NXNL2: variants seen among roughly 807,000 people sequenced by gnomAD.
The protein encoded by NXNL2 is nucleoredoxin like 2, also known as nucleoredoxin-like protein 2.
NXNL2 carries 7 observed loss-of-function variants against 11.1 expected under a neutral mutation model. The ratio of observed to expected loss-of-function variants is 0.63; its 90% CI spans 0.36 to 1.18. The LOEUF (loss-of-function observed/expected upper bound fraction) is 1.18, where lower values mean the gene tolerates loss of function less well. Among genes scored for constraint, NXNL2 ranks in the 50% most tolerant of loss-of-function variants. NXNL2 has a pLI of 0.02. For missense variants in NXNL2, 233 were observed against 217.7 expected (o/e 1.07, Z -0.44); for synonymous variants, 109 against 101.8 (o/e 1.07, Z -0.42).
intron 1 of NXNL2, among the ~76,000 whole-genome samples, chr9:88,557,881 C>T (rs1019235596): frequency 3.3e-5 from 5 of 152,156 alleles, no homozygotes; most frequent in Admixed American, 2.0e-4. Flanking sequence ...TCTCTCTTTC[C>T]AGGAAATTTC....
chr9:88,561,953 A>T (rs1159177550), intron 1 of NXNL2, among the ~76,000 whole-genome samples: 3 of 152,200 alleles, frequency 2.0e-5, no homozygotes, highest in African/African-American at 7.2e-5. Flanking sequence ...TCCAAGGTGT[A>T]TCCCAACGGA....
chr9:88,547,105 C>T (rs1378373407), downstream of NXNL2, among the ~76,000 whole-genome samples: 7 of 152,330 alleles, frequency 4.6e-5, no homozygotes, highest in East Asian at 1.9e-4. Flanking sequence ...CCCAGGCCCA[C>T]GTCTCATCCA....
intron 2 of NXNL2, among the ~76,000 whole-genome samples, chr9:88,574,434 A>G (rs989387981): frequency 3.3e-5 from 5 of 152,224 alleles, no homozygotes; most frequent in African/African-American, 9.6e-5. Flanking sequence ...GACATCAATC[A>G]ATATATGTAA....
chr9:88,544,329 A>T, intron 1 of NXNL2, 50 bp from the exon 2 acceptor site: 1 of 1,499,722 alleles, frequency 6.7e-7, no homozygotes, highest in Non-Finnish European at 9.1e-7. Flanking sequence ...GTGTCCCTTC[A>T]GATGTGCATG....
intron 1 of NXNL2, among the ~76,000 whole-genome samples, chr9:88,559,687 G>T (rs994782697): frequency 6.6e-6 from 1 of 152,116 alleles, no homozygotes; most frequent in Non-Finnish European, 1.5e-5. Flanking sequence ...CATTCTACTC[G>T]CCCAGTTTGT....
chr9:88,571,857 C>T (rs1038421576), intron 2 of NXNL2, among the ~76,000 whole-genome samples: 4 of 152,232 alleles, frequency 2.6e-5, no homozygotes, highest in South Asian at 2.1e-4. Context: ...ACGTCTCCAC[C>T]GGAGACCTTC....
downstream of NXNL2, among the ~76,000 whole-genome samples, chr9:88,547,035 G>A (rs1161194669): frequency 6.6e-6 from 1 of 152,194 alleles, no homozygotes; most frequent in Non-Finnish European, 1.5e-5. Context: ...GACAAGCAGT[G>A]GCAGTGTGAT....
intron 1 of NXNL2, among the ~76,000 whole-genome samples, chr9:88,581,645 G>A (rs1365295022): frequency 2.6e-5 from 4 of 152,056 alleles, no homozygotes; most frequent in Admixed American, 6.6e-5. Context: ...TAGTGGAGAC[G>A]GGGTTTCTCC....
At chr9:88,582,662 T>C (rs1170116973) in intron 1 of NXNL2, among the ~76,000 whole-genome samples, 2 of 139,114 alleles carry the variant, frequency 1.4e-5, no homozygotes, top group South Asian at 2.8e-4. Context: ...CTCTCTCTCT[T>C]TCTTTCTTTC....
Position 88,535,197 on chromosome 9 carries a change from T to G in NXNL2, c.-238T>G, listed in dbSNP as rs1829573569. The G allele has an allele frequency of 1.9e-6, 1 of 540,220 alleles. No individual in the cohort carries two copies. The highest frequency in any genetic ancestry group is 2.0e-5 in the African/African-American group (1 of 49,502). The allele number at this position is 540,220 out of a possible 1,614,324, so 33.5% of individuals were successfully genotyped here. On this transcript the variant is annotated 5_prime_UTR_variant, in exon 1 of 2. Transcript: ENST00000375854. ...GCTCCCAGAGGCGGGTGCCGCGCTGTCGCCCAGGTATCTGGGGTCTCTGGT... is the reference window on the plus strand; with the variant it reads ...GCTCCCAGAGGCGGGTGCCGCGCTGGCGCCCAGGTATCTGGGGTCTCTGGT...
chr9:88,569,093 A>AT (rs1326027033), intron 1 of NXNL2, among the ~76,000 whole-genome samples: 1 of 151,888 alleles, frequency 6.6e-6, no homozygotes, highest in South Asian at 2.1e-4. Flanking sequence ...CACCAGGATA[A>AT]TTTTTTTGTA....
At position 88,544,783 on chromosome 9, in the gene NXNL2, T is replaced by C. The variant is rs923114458; in HGVS notation, c.*236T>C. 1 of 1,251,822 alleles carries C rather than the reference T, an allele frequency of 8.0e-7. No homozygotes were observed. Among genetic ancestry groups the C allele is most frequent in the African/African-American group, 1.6e-5 (1 of 64,234 alleles). 77.5% of individuals were successfully genotyped at this position (1,251,822 alleles called of 1,614,324 possible). A position where few individuals can be genotyped will look rare whatever the true frequency, so the allele number is the denominator to read the frequency against. On this transcript the variant is annotated 3_prime_UTR_variant, in exon 2 of 2. Coordinates refer to ENST00000375854, the MANE Select transcript of NXNL2 (RefSeq NM_001161625.2). Reference sequence around the variant, plus strand: ...TTTTGTTATTCTTTGCATACCTTTATCCACCTGTGCTTAAGGAAGGATCCT... The same window carrying C: ...TTTTGTTATTCTTTGCATACCTTTACCCACCTGTGCTTAAGGAAGGATCCT...
At chr9:88,545,351 C>A (rs1047118033), downstream of NXNL2, among the ~76,000 whole-genome samples, 12 of 152,166 alleles carry the variant, frequency 7.9e-5, no homozygotes, top group African/African-American at 2.9e-4. Context: ...CTGTTTCTTT[C>A]CAGCCTCATT....
downstream of NXNL2, among the ~76,000 whole-genome samples, chr9:88,548,198 G>A (rs1243719342): frequency 6.6e-6 from 1 of 150,484 alleles, no homozygotes; most frequent in Non-Finnish European, 1.5e-5. Flanking sequence ...AATTAGCTGG[G>A]CGTGGTGGCA....
intron 1 of NXNL2, among the ~76,000 whole-genome samples, chr9:88,555,753 G>C (rs978272044): frequency 1.3e-5 from 2 of 152,172 alleles, no homozygotes; most frequent in East Asian, 1.9e-4. Flanking sequence ...TTGGCACTGG[G>C]CTCACTCCTC....
chr9:88,551,593 T>A (rs759957711), intron 1 of NXNL2, among the ~76,000 whole-genome samples: 29 of 152,158 alleles, frequency 1.9e-4, no homozygotes, highest in Admixed American at 1.6e-3. Context: ...TTAACCATAT[T>A]TTTAAAATGT....
At chr9:88,567,416 C>T (rs994972148) in intron 1 of NXNL2, among the ~76,000 whole-genome samples, 2 of 152,174 alleles carry the variant, frequency 1.3e-5, no homozygotes, top group Non-Finnish European at 2.9e-5. Context: ...GGATTACAGG[C>T]GTGAGCCACC....
chr9:88,559,666 G>A (rs1464483541), intron 1 of NXNL2, among the ~76,000 whole-genome samples: 3 of 152,176 alleles, frequency 2.0e-5, no homozygotes, highest in African/African-American at 4.8e-5. Context: ...CACTGCCTGT[G>A]GTCAGAGCTT....
At chr9:88,562,095 T>C (rs1185203335) in intron 1 of NXNL2, among the ~76,000 whole-genome samples, 2 of 152,164 alleles carry the variant, frequency 1.3e-5, no homozygotes, top group Non-Finnish European at 2.9e-5. Context: ...TTACACAACA[T>C]GATACTACAC....
Sources: gnomAD v4.1 joint callset for allele counts (sites outside exome capture counted in the v4.1 genomes callset) on GRCh38, gnomAD v4.1.1 for gene constraint, MANE v1.5 for transcripts, NCBI Gene and HGNC (gene_info 2026-07-23, HGNC 2026-07-21) for gene names.